The following MGAT5 variants were observed in gnomAD, a reference collection of about 807,000 sequenced individuals.
The protein encoded by MGAT5 is alpha-1,6-mannosylglycoprotein 6-beta-N-acetylglucosaminyltransferase, also known as alpha-1,6-mannosylglycoprotein 6-beta-N-acetylglucosaminyltransferase A.
In MGAT5, 30 loss-of-function variants were observed where a neutral mutation model predicts 94.3. The ratio of observed to expected loss-of-function variants is 0.32; its 90% CI spans 0.24 to 0.43. The LOEUF is 0.43. Ranked by LOEUF, MGAT5 falls within the 20% of genes least tolerant of loss-of-function variation. The pLI is 1.00. For missense variants in MGAT5, 691 were observed against 905.5 expected (o/e 0.76, Z 3.04); for synonymous variants, 310 against 322.9 (o/e 0.96, Z 0.43).
rs181850784 is a variant in MGAT5 at position 134,165,571 on chromosome 2, C to T, written c.-143+45280C>T. Among the ~76,000 whole-genome samples the T allele has an allele frequency of 4.3e-3, 647 of 152,158 alleles. 5 individuals are homozygous for T. Among genetic ancestry groups the T allele is most frequent in the African/African-American group, 0.015 (610 of 41,518 alleles). On this transcript the variant is annotated intron_variant, in intron 1 of 16. Transcript: ENST00000409645. ...CAGGTGGATCATGAGGTCAGGAGAT[C>T]GACACCATCCTGGCTAACAGGGTGA...
chr2:134,121,656 A>T (rs969006960), intron 1 of MGAT5, among the ~76,000 whole-genome samples: 1 of 152,178 alleles, frequency 6.6e-6, no homozygotes, highest in East Asian at 1.9e-4. Flanking sequence ...TGGGTCTGTG[A>T]CGTTGGGAAG....
At chr2:134,222,167 A>G (rs1023792466) in intron 1 of MGAT5, among the ~76,000 whole-genome samples, 5 of 152,312 alleles carry the variant, frequency 3.3e-5, no homozygotes, top group Admixed American at 6.5e-5. Flanking sequence ...GATCAGATCT[A>G]TTTTCTGAGC....
intron 10 of MGAT5, among the ~76,000 whole-genome samples, chr2:134,381,368 TA>T (rs72538385): frequency 0.15 from 10,906 of 73,144 alleles, 631 homozygotes; most frequent in African/African-American, 0.19. Context: ...GATAGATAGA[TA>T]AGATAAGATA....
chr2:134,352,301 C>A (rs966962939), intron 9 of MGAT5, among the ~76,000 whole-genome samples: 1 of 152,132 alleles, frequency 6.6e-6, no homozygotes, highest in Non-Finnish European at 1.5e-5. Context: ...AGAAACAACC[C>A]AAGTAATCAT....
intron 2 of MGAT5, among the ~76,000 whole-genome samples, chr2:134,313,093 T>C (rs57093475): frequency 0.015 from 1,613 of 107,150 alleles, 21 homozygotes; most frequent in East Asian, 0.12. Flanking sequence ...CACACACACA[T>C]ATCTGTCTGG....
intron 10 of MGAT5, among the ~76,000 whole-genome samples, chr2:134,377,841 T>TTTAG (rs1681281585): frequency 6.6e-6 from 1 of 152,154 alleles, no homozygotes; most frequent in Admixed American, 6.5e-5. Context: ...CAACTCCTCT[T>TTTAG]TTAGAGAGAA....
At chr2:134,428,894 A>G (rs925167957) in intron 14 of MGAT5, among the ~76,000 whole-genome samples, 6 of 152,254 alleles carry the variant, frequency 3.9e-5, no homozygotes, top group African/African-American at 1.4e-4. Context: ...GAAACCTTAT[A>G]TGTATATAAA....
rs187877420 is a variant in MGAT5 at position 134,257,707 on chromosome 2, C to T, written c.241+3063C>T. Among the ~76,000 whole-genome samples, 36 of 152,208 alleles carry T rather than the reference C, an allele frequency of 2.4e-4. No individual in the cohort carries two copies. In the East Asian group the frequency reaches 6.6e-3, roughly 28 times the overall value. ...CCTTGGAATCTGTCAGTATCAGTAA[C>T]ATTGTGTGACATGCAGGCAGCTCTG... On this transcript the variant is annotated intron_variant, in intron 1 of 15. Transcript: ENST00000281923.
intron 1 of MGAT5, among the ~76,000 whole-genome samples, chr2:134,242,149 AC>A (rs1682007804): frequency 6.6e-6 from 1 of 152,044 alleles, no homozygotes. Context: ...AAAAACTCAA[AC>A]CCCCATGATG....
intron 1 of MGAT5, among the ~76,000 whole-genome samples, chr2:134,244,414 C>G (rs953506608): frequency 6.6e-6 from 1 of 152,046 alleles, no homozygotes; most frequent in Non-Finnish European, 1.5e-5. Context: ...GAGCAGAGGC[C>G]CAGTGCCTTA....
intron 2 of MGAT5, among the ~76,000 whole-genome samples, chr2:134,296,665 A>G (rs1190700784): frequency 2.0e-5 from 3 of 152,262 alleles, no homozygotes; most frequent in African/African-American, 7.2e-5. Context: ...ATTGTAATCT[A>G]TTCCACTTAA....
chr2:134,356,230 T>C (rs1190777332), intron 9 of MGAT5, among the ~76,000 whole-genome samples: 1 of 152,176 alleles, frequency 6.6e-6, no homozygotes, highest in Non-Finnish European at 1.5e-5. Context: ...CAGGAAGCTA[T>C]AACAAAGTGG....
chr2:134,425,095 G>A (rs1220089043), intron 13 of MGAT5, among the ~76,000 whole-genome samples: 7 of 152,082 alleles, frequency 4.6e-5, no homozygotes, highest in Non-Finnish European at 1.0e-4. Flanking sequence ...TAAAAGCTGA[G>A]GTAGAAGCAG....
At chr2:134,429,552 C>T (rs527811318) in intron 14 of MGAT5, among the ~76,000 whole-genome samples, 9 of 152,272 alleles carry the variant, frequency 5.9e-5, no homozygotes, top group East Asian at 1.9e-4. Flanking sequence ...GGGCCTACTT[C>T]GTAGGGCTGA....
At chr2:134,177,235 A>G (rs988328094) in intron 1 of MGAT5, among the ~76,000 whole-genome samples, 1 of 149,636 alleles carries the variant, frequency 6.7e-6, no homozygotes, top group Non-Finnish European at 1.5e-5. Flanking sequence ...GTTGATAAAC[A>G]GTTCTATGGG....
chr2:134,132,909 T>C (rs1159023734), intron 1 of MGAT5, among the ~76,000 whole-genome samples: 2 of 152,250 alleles, frequency 1.3e-5, no homozygotes, highest in Admixed American at 6.5e-5. Flanking sequence ...TTGGCTTATA[T>C]AGGAAACTTT....
At chr2:134,318,592 G>A in intron 3 of MGAT5, 58 bp from the exon 4 acceptor site, 1 of 1,264,818 alleles carries the variant, frequency 7.9e-7, no homozygotes, top group East Asian at 2.3e-5. Flanking sequence ...CGCCTTCCCT[G>A]TCAGCAGATG....
chr2:134,308,053 C>T (rs919852762), intron 2 of MGAT5, among the ~76,000 whole-genome samples: 2 of 152,106 alleles, frequency 1.3e-5, no homozygotes, highest in African/African-American at 4.8e-5. Flanking sequence ...TCTGCCTGGG[C>T]CTCAGTGTCT....
intron 1 of MGAT5, among the ~76,000 whole-genome samples, chr2:134,138,034 C>T (rs893401894): frequency 2.0e-5 from 3 of 151,348 alleles, no homozygotes; most frequent in African/African-American, 4.9e-5. Flanking sequence ...CTCTCTTGCC[C>T]AGGCTAGAGG....
Sources: gnomAD v4.1 joint callset for allele counts (sites outside exome capture counted in the v4.1 genomes callset) on GRCh38, gnomAD v4.1.1 for gene constraint, MANE v1.5 for transcripts, NCBI Gene and HGNC (gene_info 2026-07-23, HGNC 2026-07-21) for gene names.